The following MDGA2 variants were observed in gnomAD, a reference collection of about 807,000 sequenced individuals.
The protein encoded by MDGA2 is MAM domain-containing glycosylphosphatidylinositol anchor protein 2.
MDGA2 carries 40 observed loss-of-function variants against 117.8 expected under a neutral mutation model. The ratio of observed to expected loss-of-function variants is 0.34; its 90% CI spans 0.26 to 0.44. MDGA2 has a LOEUF of 0.44. MDGA2 is among the 20% of genes least tolerant of loss of function. The pLI, the probability that MDGA2 is intolerant of heterozygous loss-of-function variation, is 1.00. For missense variants in MDGA2, 1,123 were observed against 1,250.6 expected, an observed-to-expected ratio of 0.90 and a Z score of 1.54; for synonymous variants, 452 against 439.0, an observed-to-expected ratio of 1.03 and a Z score of -0.37.
intron 8 of MDGA2, among the ~76,000 whole-genome samples, chr14:46,964,884 T>C (rs1595073950): frequency 6.6e-6 from 1 of 150,750 alleles, no homozygotes; most frequent in African/African-American, 2.4e-5. Flanking sequence ...TAATTCATTA[T>C]ACCTAATGGG....
At chr14:47,617,933 C>A (rs1207941894) in intron 1 of MDGA2, among the ~76,000 whole-genome samples, 5 of 152,116 alleles carry the variant, frequency 3.3e-5, no homozygotes, top group Non-Finnish European at 5.9e-5. Flanking sequence ...AAAACCCAAA[C>A]AGCTTCTTAA....
chr14:47,560,792 C>T (rs972145637), intron 1 of MDGA2, among the ~76,000 whole-genome samples: 1 of 152,114 alleles, frequency 6.6e-6, no homozygotes, highest in Non-Finnish European at 1.5e-5. Context: ...GGTCCTATAT[C>T]CTAGGTAATC....
intron 1 of MDGA2, among the ~76,000 whole-genome samples, chr14:47,426,187 A>G (rs995332905): frequency 4.6e-5 from 7 of 152,128 alleles, no homozygotes; most frequent in African/African-American, 1.4e-4. Flanking sequence ...TTGCTAGAGG[A>G]TATCACATTT....
intron 2 of MDGA2, among the ~76,000 whole-genome samples, chr14:47,299,102 C>T (rs2139805057): frequency 6.6e-6 from 1 of 152,038 alleles, no homozygotes; most frequent in South Asian, 2.1e-4. Flanking sequence ...TTCTTAGGAT[C>T]AAAACACCTT....
At chr14:47,198,518 G>A (rs1472567793) in intron 3 of MDGA2, among the ~76,000 whole-genome samples, 1 of 152,202 alleles carries the variant, frequency 6.6e-6, no homozygotes. Context: ...TTTGCAGTGA[G>A]CGGGGATTGT....
chr14:47,112,862 G>A (rs1220507780), intron 5 of MDGA2, among the ~76,000 whole-genome samples: 1 of 152,116 alleles, frequency 6.6e-6, no homozygotes, highest in Non-Finnish European at 1.5e-5. Flanking sequence ...CCCACCAACA[G>A]TGTAAAAACA....
chr14:47,131,696 A>T lies in MDGA2; in HGVS notation c.925+18T>A. The T allele has an allele frequency of 6.7e-7, 1 of 1,482,102 alleles. No individual in the cohort carries two copies. Among genetic ancestry groups the T allele is most frequent in the Non-Finnish European group, 9.1e-7 (1 of 1,096,300 alleles). 91.8% of individuals were successfully genotyped at this position (1,482,102 alleles called of 1,614,324 possible). ...GTTGTAGATAAGATACATGTAACAT[A>T]CAGAGATAATTCCATACCTGTTTTA... On this transcript the variant is annotated intron_variant, in intron 5 of 16. Transcript: ENST00000399232.
At chr14:46,929,522 T>C (rs1435489401) in intron 9 of MDGA2, among the ~76,000 whole-genome samples, 1 of 146,664 alleles carries the variant, frequency 6.8e-6, no homozygotes, top group African/African-American at 2.5e-5. Context: ...TTATGTGATC[T>C]GGTTTTGACA....
At chr14:47,527,407 G>A (rs1000417705) in intron 1 of MDGA2, among the ~76,000 whole-genome samples, 1 of 152,162 alleles carries the variant, frequency 6.6e-6, no homozygotes, top group African/African-American at 2.4e-5. Flanking sequence ...GATGGAAGGA[G>A]TAGAAAAAGG....
chr14:47,596,876 G>T (rs1248454537), intron 1 of MDGA2, among the ~76,000 whole-genome samples: 2 of 152,070 alleles, frequency 1.3e-5, no homozygotes, highest in Non-Finnish European at 2.9e-5. Context: ...GTAAGTCATG[G>T]AGTCTTGATT....
intron 10 of MDGA2, among the ~76,000 whole-genome samples, chr14:46,905,665 C>G (rs1883462127): frequency 6.6e-6 from 1 of 151,912 alleles, no homozygotes; most frequent in East Asian, 1.9e-4. Flanking sequence ...ATGCTTTGAG[C>G]ATCAATATGA....
intron 2 of MDGA2, among the ~76,000 whole-genome samples, chr14:47,242,365 C>G (rs1237190559): frequency 1.3e-5 from 2 of 151,930 alleles, no homozygotes; most frequent in Non-Finnish European, 2.9e-5. Flanking sequence ...CCTTCAGCCC[C>G]CCACTGTACT....
Position 47,281,818 on chromosome 14 carries a change from A to T in MDGA2, c.420+19593T>A, listed in dbSNP as rs1051358001. On this transcript the variant is annotated intron_variant, in intron 2 of 16. Transcript: ENST00000399232. The stretch of plus-strand genomic sequence containing the variant: ...ATGCCTGTAATCCCAGCACTTTGGG[A>T]GACCGAGGTGAGCCGATCACCTGAG... 5.3e-5 allele frequency among the ~76,000 whole-genome samples: 8 copies of T among 152,256 alleles called. No individual in the cohort carries two copies. In the East Asian group the frequency reaches 1.5e-3, roughly 29 times the overall value.
intron 8 of MDGA2, among the ~76,000 whole-genome samples, chr14:46,971,574 G>T (rs1410961599): frequency 6.6e-6 from 1 of 152,050 alleles, no homozygotes. Flanking sequence ...GGGAGGAGGG[G>T]ATAAAGATAT....
At chr14:47,142,476 CAAAA>C (rs779738041) in intron 4 of MDGA2, among the ~76,000 whole-genome samples, 1 of 141,464 alleles carries the variant, frequency 7.1e-6, no homozygotes, top group Non-Finnish European at 1.5e-5. Flanking sequence ...AACAAACAAA[CAAAA>C]AGAAATAGCC....
At chr14:47,189,264 T>C (rs1885023718) in intron 3 of MDGA2, among the ~76,000 whole-genome samples, 1 of 152,010 alleles carries the variant, frequency 6.6e-6, no homozygotes, top group African/African-American at 2.4e-5. Flanking sequence ...AAACACACGC[T>C]AAACTATATG....
At chr14:47,265,205 G>A (rs1045076871) in intron 2 of MDGA2, among the ~76,000 whole-genome samples, 1 of 152,100 alleles carries the variant, frequency 6.6e-6, no homozygotes, top group Non-Finnish European at 1.5e-5. Flanking sequence ...GGATTCAGTA[G>A]ACATAAATAA....
chr14:46,863,271 G>A (rs1881585755), intron 14 of MDGA2, among the ~76,000 whole-genome samples: 1 of 151,860 alleles, frequency 6.6e-6, no homozygotes. Flanking sequence ...GTTCACCCAC[G>A]CCATGGGCTT....
chr14:47,660,759 T>C (rs1897831100), intron 1 of MDGA2, among the ~76,000 whole-genome samples: 1 of 152,228 alleles, frequency 6.6e-6, no homozygotes, highest in Non-Finnish European at 1.5e-5. Flanking sequence ...GGTTATTTTT[T>C]ATAAGCACAT....
Sources: allele counts gnomAD v4.1 joint callset (sites outside exome capture counted in the v4.1 genomes callset), GRCh38; gene constraint gnomAD v4.1.1; transcripts MANE v1.5; gene names NCBI Gene and HGNC (gene_info 2026-07-23, HGNC 2026-07-21).